The following GIPC1 variants were observed in gnomAD, a reference collection of about 807,000 sequenced individuals.
The protein encoded by GIPC1 is PDZ domain-containing protein GIPC1.
A neutral mutation model predicts 28.5 loss-of-function variants in GIPC1; 15 were observed. The ratio of observed to expected loss-of-function variants is 0.53; its 90% CI spans 0.35 to 0.81. The LOEUF (loss-of-function observed/expected upper bound fraction) is 0.81, where lower values mean the gene tolerates loss of function less well. Among genes scored for constraint, GIPC1 ranks in the 30% least tolerant of loss-of-function variants. GIPC1 has a pLI of 0.01. For synonymous variants in GIPC1, 224 were observed against 206.1 expected (o/e 1.09, Z -0.74); for missense variants, 439 against 481.9 (o/e 0.91, Z 0.83).
At position 14,478,665 on chromosome 19, in the gene GIPC1, C is replaced by T; in HGVS notation, c.850+19G>A. ...CCAGCAGACCTAGATGCCCCCTCCCCCAGGCAGCCCTCACTCACCCAGCTC... is the reference window on the plus strand; with the variant it reads ...CCAGCAGACCTAGATGCCCCCTCCCTCAGGCAGCCCTCACTCACCCAGCTC... On this transcript the variant is annotated intron_variant, in intron 8 of 8. Coordinates refer to ENST00000393033, the MANE Select transcript of GIPC1 (RefSeq NM_005716.4). This position sits in a 1 kb window ranked among gnomAD's most constrained non-coding sequence, Gnocchi z 5.2. 4 of 1,612,932 alleles carry T rather than the reference C, an allele frequency of 2.5e-6. No homozygotes were observed. The highest frequency in any genetic ancestry group is 3.4e-6 in the Non-Finnish European group (4 of 1,179,062).
At chr19:14,487,322 TC>T (rs1479162648) in intron 3 of GIPC1, among the ~76,000 whole-genome samples, 1 of 151,324 alleles carries the variant, frequency 6.6e-6, no homozygotes, top group Non-Finnish European at 1.5e-5. Context: ...AAGCTCCGCC[TC>T]CCAGGTTCCA....
chr19:14,479,986 G>T lies in GIPC1; in HGVS notation c.655+319C>A, dbSNP rs560990015. Reference sequence around the variant, plus strand: ...AGTTAGTGAAGCCAGATGGAAAAGTGGGGGGGCTGGCACTGAGCAGTCAAG... The same window carrying T: ...AGTTAGTGAAGCCAGATGGAAAAGTTGGGGGGCTGGCACTGAGCAGTCAAG... On this transcript the variant is annotated intron_variant, in intron 6 of 8. Transcript: ENST00000393033. 54 of 501,300 alleles carry T rather than the reference G, an allele frequency of 1.1e-4. 1 individual carries two copies. In the East Asian group the frequency reaches 1.1e-3, roughly 10 times the overall value. The allele number at this position is 501,300 out of a possible 1,614,324, so 31.1% of individuals were successfully genotyped here.
At chr19:14,483,747 TCAATAA>T (rs1321554474) in intron 3 of GIPC1, among the ~76,000 whole-genome samples, 2 of 115,980 alleles carry the variant, frequency 1.7e-5, no homozygotes, top group Admixed American at 9.9e-5. Flanking sequence ...AGACTCTGTC[TCAATAA>T]TAATAATAAT....
chr19:14,486,718 T>TCTTTC (rs1239461028), intron 3 of GIPC1, among the ~76,000 whole-genome samples: 2 of 148,182 alleles, frequency 1.3e-5, no homozygotes, highest in Non-Finnish European at 3.0e-5. Flanking sequence ...CTTTCTTTTT[T>TCTTTC]TTTTTTTTTT....
At position 14,482,827 on chromosome 19, in the gene GIPC1, AG is replaced by A. The variant is rs771881138; in HGVS notation, c.149del (p.Pro50LeufsTer48). On this transcript the variant is annotated frameshift_variant, in exon 4 of 9. Transcript: ENST00000393033. LOFTEE classifies it high-confidence loss of function. Reference protein sequence around the residue: ...SGGPQMGLPPPPPALRPRLVF... With the variant: ...SGGPQMGLPPXPPALRPRLVF... ...CGAGGCGGGGCCGCAGGGCTGGGGG[AG>A]GGGGGGGCAAGCCCATTTGGGGGCC... 33 of 1,347,378 alleles carry A rather than the reference AG, an allele frequency of 2.4e-5. No individual in the cohort carries two copies. The highest frequency in any genetic ancestry group is 2.9e-5 in the African/African-American group (2 of 67,918). The allele number at this position is 1,347,378 out of a possible 1,614,324, so 83.5% of individuals were successfully genotyped here.
In GIPC1 at chr19:14,482,977, G is replaced by A; in HGVS notation, c.-1C>T. On this transcript the variant is annotated 5_prime_UTR_variant, in exon 4 of 9. Transcript: ENST00000393033. ...TCCGCCGCCCCAGTCCCAGCGGCAT[G>A]AGCAGCGAGAAGTGGGGTCACCAGA... The A allele has an allele frequency of 1.2e-6, 2 of 1,609,956 alleles. No homozygotes were observed. The highest frequency in any genetic ancestry group is 1.7e-6 in the Non-Finnish European group (2 of 1,179,682).
At chr19:14,482,258 A>C (rs1389442455) in intron 4 of GIPC1, 3 of 212,950 alleles carry the variant, frequency 1.4e-5, no homozygotes, top group South Asian at 6.4e-5. Flanking sequence ...CCATCCAATC[A>C]ATCCATCCAG....
intron 3 of GIPC1, among the ~76,000 whole-genome samples, chr19:14,485,738 GAGAC>G (rs1555721834): frequency 7.1e-6 from 1 of 141,616 alleles, no homozygotes; most frequent in South Asian, 2.3e-4. Flanking sequence ...GAGAGAGAGA[GAGAC>G]AGAGAGAGGG....
chr19:14,482,760 T>C lies in GIPC1; in HGVS notation c.217A>G (p.Ile73Val). The C allele has an allele frequency of 1.2e-6, 2 of 1,610,810 alleles. No homozygotes were observed. The highest frequency in any genetic ancestry group is 1.7e-6 in the Non-Finnish European group (2 of 1,179,582). The change falls in exon 4 of 9, where the codon ATC (isoleucine) becomes GTC (valine). Residue 73 changes from isoleucine to valine, a missense_variant. Physicochemically the swap from Ile to Val is conservative, Grantham distance 29. Transcript: ENST00000393033. The part of the protein sequence containing the change: ...QLAHGSPTGR[I>V]EGFTNVKELY... ...TCCTTGACGTTGGTGAAGCCCTCGA[T>C]GCGGCCAGTGGGACTGCCATGGGCC...
rs141858954 is a variant in GIPC1, at chr19:14,478,753, C to G, written c.781G>C (p.Glu261Gln). 1.2e-6 allele frequency: 2 copies of G among 1,612,366 alleles called. No individual in the cohort carries two copies. The highest frequency in any genetic ancestry group is 2.2e-5 in the South Asian group (2 of 90,930). ...ATVEDLPSAF[E>Q]EKAIEKVDDL... ...TCCACCTTCTCAATGGCCTTCTCTT[C>G]AAAGGCAGAGGGCTGGGGGCCAGGG... Residue 261 changes from glutamate to glutamine, a missense_variant, in exon 8 of 9, where the codon GAA becomes CAA. Physicochemically the swap from Glu to Gln is conservative, Grantham distance 29. Transcript: ENST00000393033. The surrounding 1 kb of genome is among the most constrained non-coding windows in gnomAD (Gnocchi z 5.2).
At chr19:14,486,214 A>T (rs1301242090) in intron 3 of GIPC1, among the ~76,000 whole-genome samples, 1 of 152,006 alleles carries the variant, frequency 6.6e-6, no homozygotes, top group Non-Finnish European at 1.5e-5. Context: ...ACACTGTAAC[A>T]CAGGGATCAC....
chr19:14,482,988 A>C lies in GIPC1; in HGVS notation c.-12T>G. On this transcript the variant is annotated 5_prime_UTR_variant, in exon 4 of 9. Transcript: ENST00000393033. Reference sequence around the variant, plus strand: ...AGTCCCAGCGGCATGAGCAGCGAGAAGTGGGGTCACCAGAAGATCTGCAGG... The same window carrying C: ...AGTCCCAGCGGCATGAGCAGCGAGACGTGGGGTCACCAGAAGATCTGCAGG... The C allele has an allele frequency of 6.2e-7, 1 of 1,607,576 alleles. No individual in the cohort carries two copies. Among genetic ancestry groups the C allele is most frequent in the Non-Finnish European group, 8.5e-7 (1 of 1,179,242 alleles).
Position 14,478,590 on chromosome 19 carries a change from G to A in GIPC1, c.851-23C>T, listed in dbSNP as rs188734980. The A allele has an allele frequency of 7.6e-5, 123 of 1,613,756 alleles. No individual in the cohort carries two copies. The highest frequency in any genetic ancestry group is 4.5e-4 in the African/African-American group (34 of 74,994). The stretch of plus-strand genomic sequence containing the variant: ...CCGCTATTGGGGGAGGGGTCAGAAC[G>A]GAGGCACAAATGACACCAGGGACCA... On this transcript the variant is annotated intron_variant, in intron 8 of 8. Coordinates refer to ENST00000393033, the MANE Select transcript of GIPC1 (RefSeq NM_005716.4). The surrounding 1 kb of genome is among the most constrained non-coding windows in gnomAD (Gnocchi z 5.2).
rs1036688341 is a variant in GIPC1 at position 14,494,144 on chromosome 19, G to C, written c.-174-1232C>G. 3.3e-5 allele frequency among the ~76,000 whole-genome samples: 5 copies of C among 152,170 alleles called. No individual in the cohort carries two copies. The South Asian group carries it at 1.0e-3, about 32-fold the overall frequency. ...CCAGCTAATTTTCATATTTTTAGGA[G>C]AGAGGGGGTTTCACCATGTTGATCA... On this transcript the variant is annotated intron_variant, in intron 1 of 8. Transcript: ENST00000393033.
intron 3 of GIPC1, chr19:14,489,337 G>A (rs2071913501): frequency 3.9e-6 from 3 of 776,342 alleles, no homozygotes; most frequent in East Asian, 4.9e-5. Flanking sequence ...TAGCGTGAGG[G>A]AAGCCGTGCG....
intron 3 of GIPC1, among the ~76,000 whole-genome samples, chr19:14,485,702 TAGAGAGAGAGAGAGAGAGAG>T (rs747570310): frequency 0.014 from 806 of 58,806 alleles, 18 homozygotes; most frequent in Middle Eastern, 0.039. Flanking sequence ...TATATATATA[TAGAGAGAGAGAGAGAGAGAG>T]AGAGAGAGAG....
rs527522378 is a variant in GIPC1 at position 14,479,438 on chromosome 19, G to A, written c.742C>T (p.Arg248Trp). ...AGATCCTCCACCGTGGCGGGGCCCC[G>A]GGATCGGAGCCGCAGGGTCCCTCGG... The part of the protein sequence containing the change: ...TGRGTLRLRS[R>W]GPATVEDLPS... Residue 248 changes from arginine to tryptophan, a missense_variant, in exon 7 of 9, where the codon CGG (arginine) becomes TGG (tryptophan). Physicochemically the swap from Arg to Trp is moderately radical, Grantham distance 101. Coordinates refer to ENST00000393033, the MANE Select transcript of GIPC1 (RefSeq NM_005716.4). 87 of 1,421,466 alleles carry A rather than the reference G, an allele frequency of 6.1e-5. No homozygotes were observed. The highest frequency in any genetic ancestry group is 7.3e-5 in the Non-Finnish European group (79 of 1,086,370). 88.1% of individuals were successfully genotyped at this position (1,421,466 alleles called of 1,614,324 possible). A position where few individuals can be genotyped will look rare whatever the true frequency, so the allele number is the denominator to read the frequency against.
intron 4 of GIPC1, among the ~76,000 whole-genome samples, chr19:14,481,461 GCCTGTAATC>G (rs982755991): frequency 2.0e-5 from 3 of 152,048 alleles, no homozygotes; most frequent in Non-Finnish European, 2.9e-5. Context: ...GGTGGCTCAC[GCCTGTAATC>G]CCAGCACTTT....
intron 4 of GIPC1, among the ~76,000 whole-genome samples, chr19:14,481,282 A>AT (rs532125120): frequency 1.4e-4 from 21 of 151,884 alleles, no homozygotes; most frequent in East Asian, 3.9e-4. Flanking sequence ...AGTTAAAATA[A>AT]TTTTTTTTAG....
Sources: allele counts gnomAD v4.1 joint callset (sites outside exome capture counted in the v4.1 genomes callset), GRCh38; gene constraint gnomAD v4.1.1; non-coding constraint Gnocchi (gnomAD v3.1); transcripts MANE v1.5; gene names NCBI Gene and HGNC (gene_info 2026-07-23, HGNC 2026-07-21).